Variants in PCNT observed in about 807,000 individuals in gnomAD.
PCNT encodes pericentrin.
A neutral mutation model predicts 380.4 loss-of-function variants in PCNT; 319 were observed. The observed-to-expected ratio is 0.84, with a 90% CI of 0.77 to 0.92. The LOEUF is 0.92. PCNT is among the 40% of genes least tolerant of loss of function. The probability of loss-of-function intolerance (pLI) is 0.00; values close to 1 mark genes in which losing one functional copy is unlikely to be tolerated. For missense variants in PCNT, 4,400 were observed against 4,255.3 expected (o/e 1.03, Z -0.95); for synonymous variants, 1,845 against 1,735.2 (o/e 1.06, Z -1.57).
intron 37 of PCNT, 93 bp downstream of exon 37, chr21:46,430,750 TCATGG>T: frequency 4.5e-6 from 7 of 1,543,290 alleles, no homozygotes; most frequent in Non-Finnish European, 6.1e-6. Flanking sequence ...TTCCTGTTCT[TCATGG>T]CAGTGCACCC....
intron 11 of PCNT, 114 bp from the exon 12 acceptor site, chr21:46,355,338 C>A: frequency 8.9e-7 from 1 of 1,117,580 alleles, no homozygotes; most frequent in Non-Finnish European, 1.3e-6. Flanking sequence ...GTCTCATGAA[C>A]CTAGTGAGGT....
intron 13 of PCNT, among the ~76,000 whole-genome samples, chr21:46,360,458 C>G (rs868700767): frequency 2.1e-5 from 3 of 140,466 alleles, no homozygotes; most frequent in East Asian, 4.4e-4. Context: ...CTCCTGACCT[C>G]GTGATCCGCC....
intron 16 of PCNT, among the ~76,000 whole-genome samples, chr21:46,384,219 C>T (rs1275928815): frequency 3.4e-5 from 5 of 147,022 alleles, no homozygotes; most frequent in African/African-American, 5.0e-5. Flanking sequence ...AGCGCATTCA[C>T]GGTGTTGTGC....
intron 15 of PCNT, among the ~76,000 whole-genome samples, chr21:46,373,274 C>T (rs982699928): frequency 6.6e-6 from 1 of 152,102 alleles, no homozygotes; most frequent in East Asian, 1.9e-4. Flanking sequence ...GTCTCAGCCT[C>T]CCAAAGTGCT....
chr21:46,400,814 C>T (rs1422689871), intron 25 of PCNT, among the ~76,000 whole-genome samples: 3 of 152,184 alleles, frequency 2.0e-5, no homozygotes, highest in Non-Finnish European at 4.4e-5. Context: ...ACCACCACGC[C>T]CGGCCAAGTG....
rs113128848 is a variant in PCNT at position 46,425,777 on chromosome 21, C to T, written c.7180-54C>T. 9.3e-6 allele frequency: 15 copies of T among 1,609,944 alleles called. No homozygotes were observed. The Admixed American group carries it at 1.2e-4, about 13-fold the overall frequency. The stretch of plus-strand genomic sequence containing the variant: ...GCTCGGGGCCGCAGGTGGTGTAGAG[C>T]GTGGCTGTGTGGGGTGGCAGGCAAC... On this transcript the variant is annotated intron_variant, in intron 32 of 46. Coordinates refer to ENST00000359568, the MANE Select transcript of PCNT (RefSeq NM_006031.6). The surrounding 1 kb of genome is among the most constrained non-coding windows in gnomAD (Gnocchi z 4.2).
intron 35 of PCNT, 90 bp from the exon 36 acceptor site, chr21:46,429,920 A>T (rs2087678878): frequency 2.0e-6 from 2 of 979,600 alleles, no homozygotes; most frequent in African/African-American, 1.6e-5. Flanking sequence ...CATACACCTC[A>T]CGCCCCCACG....
chr21:46,430,325 G>T, intron 36 of PCNT, 93 bp downstream of exon 36: 1 of 1,417,550 alleles, frequency 7.1e-7, no homozygotes, highest in Non-Finnish European at 9.7e-7. Flanking sequence ...CCTCTGGTGG[G>T]CCGCAGTTGG....
rs1569204238 is a variant in PCNT at position 46,365,337 on chromosome 21, A to ATCACTGCCG, written c.2610-1246_2610-1245insCACTGCCGT. On this transcript the variant is annotated intron_variant, in intron 14 of 46. Transcript: ENST00000359568. ...CTGCCATGGGGTTCTATTCACTGCC[A>ATCACTGCCG]TGGGGTTCTATTCACTGCCGTGGGG... Among the ~76,000 whole-genome samples, 33 of 78,092 alleles carry ATCACTGCCG rather than the reference A, an allele frequency of 4.2e-4. 5 individuals carry two copies. Among genetic ancestry groups the ATCACTGCCG allele is most frequent in the South Asian group, 1.5e-3 (3 of 1,988 alleles). 51.2% of individuals were successfully genotyped at this position (78,092 alleles called of 152,430 possible). A position where few individuals can be genotyped will look rare whatever the true frequency, so the allele number is the denominator to read the frequency against.
At chr21:46,353,412 A>C in intron 10 of PCNT, 86 bp downstream of exon 10, 4 of 1,107,896 alleles carry the variant, frequency 3.6e-6, no homozygotes, top group African/African-American at 1.5e-5. Context: ...TGGTGATTTC[A>C]TGCTAGTAGG....
Position 46,436,469 on chromosome 21 carries a change from GGCCCCCCCCCCC to G in PCNT, c.8996+322_8996+333del, listed in dbSNP as rs1300101288. Among the ~76,000 whole-genome samples, 19 of 39,988 alleles carry G rather than the reference GGCCCCCCCCCCC, an allele frequency of 4.8e-4. 2 individuals carry two copies. The highest frequency in any genetic ancestry group is 8.9e-4 in the Admixed American group (3 of 3,374). 26.2% of individuals were successfully genotyped at this position (39,988 alleles called of 152,430 possible). On this transcript the variant is annotated intron_variant, in intron 39 of 46. Transcript: ENST00000359568. ...CAGGGTCGGGTTTGGAGCCTCCTGTGGCCCCCCCCCCCCCCCCCCGCTGGCACTGCCCAGTGT... is the reference window on the plus strand; with the variant it reads ...CAGGGTCGGGTTTGGAGCCTCCTGTGCCCCCCCGCTGGCACTGCCCAGTGT...
chr21:46,332,719 T>C (rs2083597762), intron 2 of PCNT, among the ~76,000 whole-genome samples: 1 of 152,266 alleles, frequency 6.6e-6, no homozygotes, highest in Admixed American at 6.5e-5. Context: ...TCTGCATTCA[T>C]CTTGTGACTC....
chr21:46,432,002 G>A lies in PCNT; in HGVS notation c.8538G>A (p.Thr2846=), dbSNP rs146053975. 165 of 1,613,774 alleles carry A rather than the reference G, an allele frequency of 1.0e-4. 1 individual carries two copies. In the African/African-American group the frequency reaches 1.2e-3, roughly 12 times the overall value. ...AGGTAAGTGCCACACTGAAGTCGAC[G>A]GTGGAAGCCCTGCACACCCAAAAAC... ...EKEVSATLKS[T]VEALHTQKRE... The change falls in exon 38 of 47, where the codon ACG becomes ACA. Residue 2846 remains threonine (T), a synonymous_variant. Coordinates refer to ENST00000359568, the MANE Select transcript of PCNT (RefSeq NM_006031.6).
chr21:46,362,367 GT>G (rs920182105), intron 13 of PCNT, among the ~76,000 whole-genome samples: 8 of 152,160 alleles, frequency 5.3e-5, no homozygotes, highest in African/African-American at 1.9e-4. Context: ...GCTCAGTGCT[GT>G]TTCTTCCTTC....
intron 8 of PCNT, among the ~76,000 whole-genome samples, chr21:46,350,551 G>T (rs934923307): frequency 2.6e-5 from 4 of 152,216 alleles, no homozygotes; most frequent in African/African-American, 9.6e-5. Context: ...CCAAGAATCA[G>T]TTGAAGAAAT....
intron 29 of PCNT, among the ~76,000 whole-genome samples, chr21:46,415,557 G>A (rs1181641657): frequency 6.6e-6 from 1 of 151,574 alleles, no homozygotes; most frequent in Non-Finnish European, 1.5e-5. Flanking sequence ...GCTAATTTTT[G>A]TATTTTTAGT....
At chr21:46,402,281 T>C in intron 26 of PCNT, 50 bp from the exon 27 acceptor site, 1 of 1,207,148 alleles carries the variant, frequency 8.3e-7, no homozygotes, top group African/African-American at 1.5e-5. Context: ...TTAATATTAA[T>C]AGAATATTAG....
chr21:46,443,693 A>C, intron 44 of PCNT, 117 bp from the exon 45 acceptor site: 2 of 984,310 alleles, frequency 2.0e-6, no homozygotes, highest in Non-Finnish European at 3.3e-6. Context: ...AAATGTCTTA[A>C]AATTGCCATA....
At chr21:46,436,589 C>A (rs533003948) in intron 39 of PCNT, among the ~76,000 whole-genome samples, 17 of 151,640 alleles carry the variant, frequency 1.1e-4, no homozygotes, top group African/African-American at 4.1e-4. Flanking sequence ...TGTCTTTTTC[C>A]CTATACACAG....
Sources: gnomAD v4.1 joint callset for allele counts (sites outside exome capture counted in the v4.1 genomes callset) on GRCh38, gnomAD v4.1.1 for gene constraint, Gnocchi (gnomAD v3.1) non-coding constraint, MANE v1.5 for transcripts, NCBI Gene and HGNC (gene_info 2026-07-23, HGNC 2026-07-21) for gene names.